The following FHAD1 variants were observed in gnomAD, a reference collection of about 807,000 sequenced individuals.
The protein encoded by FHAD1 is forkhead associated phosphopeptide binding domain 1.
Under a neutral mutation model 191.3 loss-of-function variants are expected in FHAD1, and 146 were observed. That is an observed-to-expected ratio of 0.76 (90% CI 0.67 to 0.88). The LOEUF (loss-of-function observed/expected upper bound fraction) is 0.88, where lower values mean the gene tolerates loss of function less well. Among genes scored for constraint, FHAD1 ranks in the 40% least tolerant of loss-of-function variants. The pLI, the probability that FHAD1 is intolerant of heterozygous loss-of-function variation, is 0.00. For synonymous variants in FHAD1, 616 were observed against 672.3 expected (o/e 0.92, Z 1.29); for missense variants, 1,635 against 1,785.8 (o/e 0.92, Z 1.52).
chr1:15,316,544 G>T lies in FHAD1; in HGVS notation c.1260+77G>T, dbSNP rs540089869. The T allele has an allele frequency of 9.8e-6, 12 of 1,221,044 alleles. No individual in the cohort carries two copies. The East Asian group carries it at 2.5e-4, about 26-fold the overall frequency. The allele number at this position is 1,221,044 out of a possible 1,614,324, so 75.6% of individuals were successfully genotyped here. On this transcript the variant is annotated intron_variant, in intron 9 of 33. Coordinates refer to ENST00000688493, the MANE Select transcript of FHAD1 (RefSeq NM_001391957.1). This position sits in a 1 kb window ranked among gnomAD's most constrained non-coding sequence, Gnocchi z 4.3. ...CCTTGAGGTTCTTGGTGGGATCCTG[G>T]GCCATCACTAAGCATGAAGCTCTGG...
intron 20 of FHAD1, among the ~76,000 whole-genome samples, chr1:15,357,052 TCA>T (rs991365321): frequency 1.3e-5 from 2 of 152,114 alleles, no homozygotes; most frequent in African/African-American, 4.8e-5. Context: ...ACCCTGTGCA[TCA>T]GTCTTTACGT....
At chr1:15,254,097 G>T (rs750411393) in intron 2 of FHAD1, among the ~76,000 whole-genome samples, 1 of 152,156 alleles carries the variant, frequency 6.6e-6, no homozygotes, top group Non-Finnish European at 1.5e-5. Flanking sequence ...ACAGAAAACT[G>T]TTCAGTGTAC....
At chr1:15,348,551 A>G (rs537433756) in intron 18 of FHAD1, among the ~76,000 whole-genome samples, 1 of 152,338 alleles carries the variant, frequency 6.6e-6, no homozygotes, top group South Asian at 2.1e-4. Flanking sequence ...AAATTGGTGT[A>G]TCGTGGCTCA....
chr1:15,333,380 G>T (rs1682529394), intron 14 of FHAD1, among the ~76,000 whole-genome samples: 1 of 152,068 alleles, frequency 6.6e-6, no homozygotes, highest in Non-Finnish European at 1.5e-5. Context: ...CGATGATGAT[G>T]GTGATGATGG....
Position 15,352,908 on chromosome 1 carries a change from G to T in FHAD1, c.2486G>T (p.Arg829Leu). Residue 829 changes from arginine to leucine, a missense_variant, in exon 20 of 34, where the codon CGC (arginine) becomes CTC (leucine). Physicochemically the swap from Arg to Leu is moderately radical, Grantham distance 102. Coordinates refer to ENST00000688493, the MANE Select transcript of FHAD1 (RefSeq NM_001391957.1). ...ISESNIAYEK[R>L]KAKEAMEKEK... is the part of the protein sequence containing the mutation. ...GAGAGCAACATTGCGTACGAGAAAC[G>T]CAAAGCAAAGGAGGCCATGGAGAAG... 1.9e-6 allele frequency: 3 copies of T among 1,551,432 alleles called. No individual in the cohort carries two copies. The highest frequency in any genetic ancestry group is 2.4e-5 in the East Asian group (1 of 40,898).
chr1:15,249,696 G>T (rs1021658782), intron 1 of FHAD1, among the ~76,000 whole-genome samples: 1 of 152,012 alleles, frequency 6.6e-6, no homozygotes, highest in Non-Finnish European at 1.5e-5. Flanking sequence ...GGTGTTAAGG[G>T]CTATCTGTTA....
rs553577469 is a variant in FHAD1 at position 15,311,696 on chromosome 1, A to G, written c.1040-1361A>G. 3.5e-4 allele frequency among the ~76,000 whole-genome samples: 53 copies of G among 152,306 alleles called. No homozygotes were observed. Among genetic ancestry groups the G allele is most frequent in the Non-Finnish European group, 6.9e-4 (47 of 68,026 alleles). ...ACTAGGATGAATGTTTTTCTAAGAA[A>G]AGGACCGTATGAGATAACCCAATAC... On this transcript the variant is annotated intron_variant, in intron 7 of 33. Transcript: ENST00000688493. This position sits in a 1 kb window ranked among gnomAD's most constrained non-coding sequence, Gnocchi z 4.1.
At chr1:15,253,070 C>A (rs1646981149) in intron 2 of FHAD1, among the ~76,000 whole-genome samples, 1 of 151,948 alleles carries the variant, frequency 6.6e-6, no homozygotes, top group Non-Finnish European at 1.5e-5. Context: ...TCACACCTAC[C>A]TTCCACCCAG....
chr1:15,388,642 G>A (rs1047709207), intron 32 of FHAD1, among the ~76,000 whole-genome samples: 7 of 151,956 alleles, frequency 4.6e-5, no homozygotes, highest in Admixed American at 1.3e-4. Context: ...AAAGTGCCTC[G>A]CATAAGCACT....
intron 28 of FHAD1, among the ~76,000 whole-genome samples, chr1:15,375,985 C>A (rs987640973): frequency 2.6e-5 from 4 of 151,548 alleles, no homozygotes; most frequent in Non-Finnish European, 4.4e-5. Context: ...GCATGGCGGG[C>A]CCCCTTTCCA....
chr1:15,254,755 C>A (rs1647234419), intron 2 of FHAD1, among the ~76,000 whole-genome samples: 2 of 152,168 alleles, frequency 1.3e-5, no homozygotes, highest in Admixed American at 6.5e-5. Context: ...ACAGATGATA[C>A]ATGAATTGCC....
At chr1:15,389,358 A>G (rs1260731943) in intron 32 of FHAD1, among the ~76,000 whole-genome samples, 1 of 150,410 alleles carries the variant, frequency 6.6e-6, no homozygotes, top group Admixed American at 6.6e-5. Context: ...AGGTGGGACA[A>G]TCTCTTGAGC....
In FHAD1 at chr1:15,380,652, A is replaced by G; in HGVS notation, c.3706-49A>G. 4 of 1,429,600 alleles carry G rather than the reference A, an allele frequency of 2.8e-6. No homozygotes were observed. The South Asian group carries it at 4.9e-5, about 18-fold the overall frequency. The allele number at this position is 1,429,600 out of a possible 1,614,324, so 88.6% of individuals were successfully genotyped here. On this transcript the variant is annotated intron_variant, in intron 28 of 33. Coordinates refer to ENST00000688493, the MANE Select transcript of FHAD1 (RefSeq NM_001391957.1). ...AGTGCTTTAGCTTCCAGTCATAGAAAGTCATAATGGAATGTCAAGAGAGGC... is the reference window on the plus strand; with the variant it reads ...AGTGCTTTAGCTTCCAGTCATAGAAGGTCATAATGGAATGTCAAGAGAGGC...
chr1:15,345,561 G>A (rs1324349865), intron 18 of FHAD1, 38 bp downstream of exon 18: 48 of 1,474,566 alleles, frequency 3.3e-5, no homozygotes, highest in African/African-American at 4.2e-5. Flanking sequence ...AGCCCCAGTC[G>A]GCTTGAGGGC....
Position 15,360,646 on chromosome 1 carries a change from A to G in FHAD1, c.2905A>G (p.Thr969Ala). The G allele has an allele frequency of 6.4e-7, 1 of 1,551,960 alleles. No individual in the cohort carries two copies. The highest frequency in any genetic ancestry group is 1.2e-5 in the South Asian group (1 of 84,064). Residue 969 changes from threonine (T) to alanine (A), a missense_variant, in exon 22 of 34, where the codon ACT (threonine) becomes GCT (alanine). Thr to Ala is a moderately conservative substitution (Grantham distance 58). Coordinates refer to ENST00000688493, the MANE Select transcript of FHAD1 (RefSeq NM_001391957.1). The part of the protein sequence containing the change: ...VSLEEKLQKV[T>A]QHHKKIEGEI... ...CCTCGAAGAGAAACTCCAGAAAGTC[A>G]CTCAGCACCATAAAAAAATAGAAGG...
At chr1:15,301,887 C>T (rs1350852087) in intron 6 of FHAD1, among the ~76,000 whole-genome samples, 3 of 152,108 alleles carry the variant, frequency 2.0e-5, no homozygotes, top group Admixed American at 2.0e-4. Context: ...ATTAGCCAGG[C>T]GTGATGGTGC....
intron 2 of FHAD1, among the ~76,000 whole-genome samples, chr1:15,268,173 G>A (rs1654388371): frequency 8.3e-6 from 1 of 120,676 alleles, no homozygotes; most frequent in Non-Finnish European, 1.6e-5. Context: ...AGTCCCCAGA[G>A]TGTGATGTTC....
intron 15 of FHAD1, among the ~76,000 whole-genome samples, chr1:15,339,834 C>A (rs1228952165): frequency 6.6e-6 from 1 of 151,722 alleles, no homozygotes; most frequent in Non-Finnish European, 1.5e-5. Context: ...TTAATGCCAT[C>A]AGATTTTTTT....
intron 16 of FHAD1, among the ~76,000 whole-genome samples, chr1:15,343,298 G>T (rs1484493947): frequency 6.6e-6 from 1 of 152,128 alleles, no homozygotes; most frequent in Non-Finnish European, 1.5e-5. Flanking sequence ...TGCAGCCACG[G>T]TTGCGAGCCA....
Sources: gnomAD v4.1 joint callset for allele counts (sites outside exome capture counted in the v4.1 genomes callset) on GRCh38, gnomAD v4.1.1 for gene constraint, Gnocchi (gnomAD v3.1) non-coding constraint, MANE v1.5 for transcripts, NCBI Gene and HGNC (gene_info 2026-07-23, HGNC 2026-07-21) for gene names.